Variants in SMOC2 observed in about 807,000 individuals in gnomAD.
The protein encoded by SMOC2 is SPARC related modular calcium binding 2.
In SMOC2, 39 loss-of-function variants were observed where a neutral mutation model predicts 61.4. The ratio of observed to expected loss-of-function variants is 0.64; its 90% CI spans 0.49 to 0.83. The LOEUF (loss-of-function observed/expected upper bound fraction) is 0.83. SMOC2 is among the 40% of genes least tolerant of loss of function. The pLI is 0.00. For missense variants in SMOC2, 556 were observed against 592.9 expected, an observed-to-expected ratio of 0.94 and a Z score of 0.65; for synonymous variants, 247 against 239.9, an observed-to-expected ratio of 1.03 and a Z score of -0.27.
At chr6:168,611,298 TGGCTCCC>T (rs1785857006) in intron 9 of SMOC2, among the ~76,000 whole-genome samples, 2 of 56,108 alleles carry the variant, frequency 3.6e-5, no homozygotes, top group African/African-American at 7.1e-5. Context: ...GGCCTGGCTG[TGGCTCCC>T]ATGTCTGGCC....
intron 1 of SMOC2, among the ~76,000 whole-genome samples, chr6:168,489,406 C>G (rs565884640): frequency 2.5e-4 from 37 of 148,818 alleles, no homozygotes; most frequent in African/African-American, 8.5e-4. Flanking sequence ...TGAAATATAT[C>G]GAATCGTCTG....
chr6:168,590,536 G>A (rs78863178), intron 7 of SMOC2, among the ~76,000 whole-genome samples: 6,824 of 152,212 alleles, frequency 0.045, 337 homozygotes, highest in African/African-American at 0.11. Context: ...TGTGCCTGCT[G>A]GAAGCTGAGC....
chr6:168,577,799 C>G (rs991300419), intron 7 of SMOC2, among the ~76,000 whole-genome samples: 1 of 152,196 alleles, frequency 6.6e-6, no homozygotes, highest in East Asian at 1.9e-4. Context: ...GAGACAGCAA[C>G]GCATGGGGCC....
At chr6:168,628,791 C>T (rs1189298829) in intron 9 of SMOC2, among the ~76,000 whole-genome samples, 2 of 152,206 alleles carry the variant, frequency 1.3e-5, no homozygotes, top group Admixed American at 1.3e-4. Flanking sequence ...TCCTTCAGTC[C>T]CTTGGCCCTG....
At chr6:168,563,931 G>GCTCACCTGCCTCAT (rs1258632641) in intron 7 of SMOC2, among the ~76,000 whole-genome samples, 1 of 152,120 alleles carries the variant, frequency 6.6e-6, no homozygotes, top group East Asian at 1.9e-4. Context: ...GGGGGCGGGT[G>GCTCACCTGCCTCAT]CTCACCTGCC....
At chr6:168,510,119 G>A (rs1583067151) in intron 2 of SMOC2, 33 bp downstream of exon 2, 1 of 1,597,550 alleles carries the variant, frequency 6.3e-7, no homozygotes. Context: ...ATCCAAAGAT[G>A]GGTACATCCA....
chr6:168,518,332 T>G (rs1370148583), intron 2 of SMOC2, among the ~76,000 whole-genome samples: 1 of 151,742 alleles, frequency 6.6e-6, no homozygotes, highest in East Asian at 2.0e-4. Context: ...CATGTGTGTA[T>G]GCCTGAGGTG....
In SMOC2 at chr6:168,535,840, T is replaced by TC. The variant is rs1211345129; in HGVS notation, c.464-7785_464-7784insC. Reference sequence around the variant, plus strand: ...AGTGATCCTGGGGACACGTGAGGAATAACGCAGCAGTGATGCAGCTTCACG... The same window carrying TC: ...AGTGATCCTGGGGACACGTGAGGAATCAACGCAGCAGTGATGCAGCTTCACG... On this transcript the variant is annotated intron_variant, in intron 4 of 12. Transcript: ENST00000356284. The surrounding 1 kb of genome is among the most constrained non-coding windows in gnomAD (Gnocchi z 4.6). Among the ~76,000 whole-genome samples, 1 of 152,078 alleles carries TC rather than the reference T, an allele frequency of 6.6e-6. No homozygotes were observed. Among genetic ancestry groups the TC allele is most frequent in the Non-Finnish European group, 1.5e-5 (1 of 67,994 alleles).
At chr6:168,537,002 T>A (rs1783746952) in intron 4 of SMOC2, among the ~76,000 whole-genome samples, 1 of 152,124 alleles carries the variant, frequency 6.6e-6, no homozygotes, top group Non-Finnish European at 1.5e-5. Flanking sequence ...AGAGTGAAAA[T>A]GAAGGTGGCA....
intron 9 of SMOC2, 60 bp from the exon 10 acceptor site, chr6:168,650,621 T>G: frequency 6.7e-7 from 1 of 1,500,572 alleles, no homozygotes; most frequent in Non-Finnish European, 9.2e-7. Context: ...TCCCTGTATT[T>G]TAGAGGAAAA....
intron 1 of SMOC2, among the ~76,000 whole-genome samples, chr6:168,456,922 G>A (rs1781599601): frequency 6.6e-6 from 1 of 152,194 alleles, no homozygotes; most frequent in South Asian, 2.1e-4. Flanking sequence ...CTGCCTGTGA[G>A]GCATGAGCTC....
chr6:168,647,623 G>A (rs6937595), intron 9 of SMOC2, among the ~76,000 whole-genome samples: 21,304 of 152,114 alleles, frequency 0.14, 1,680 homozygotes, highest in East Asian at 0.2. Flanking sequence ...CTCAAGCCTC[G>A]TTGCTCCTCT....
At chr6:168,607,869 T>TCCAACCCTGCAACGGGAGGAG (rs1440562829) in intron 8 of SMOC2, among the ~76,000 whole-genome samples, 33 of 56,648 alleles carry the variant, frequency 5.8e-4, no homozygotes, top group South Asian at 9.3e-4. Flanking sequence ...TGTGGGTGCT[T>TCCAACCCTGCAACGGGAGGAG]GGCAGCTGCT....
At chr6:168,511,109 A>G (rs1782996679) in intron 2 of SMOC2, among the ~76,000 whole-genome samples, 1 of 152,210 alleles carries the variant, frequency 6.6e-6, no homozygotes, top group Non-Finnish European at 1.5e-5. Context: ...TCTGTTTTCC[A>G]TATGAAAAGA....
At chr6:168,542,036 C>T (rs1260855821) in intron 4 of SMOC2, among the ~76,000 whole-genome samples, 5 of 152,152 alleles carry the variant, frequency 3.3e-5, no homozygotes, top group Non-Finnish European at 7.3e-5. Flanking sequence ...TTACATTTTC[C>T]TTACGATATT....
intron 10 of SMOC2, among the ~76,000 whole-genome samples, chr6:168,651,336 C>T (rs193143099): frequency 3.3e-5 from 5 of 152,166 alleles, no homozygotes; most frequent in African/African-American, 1.2e-4. Flanking sequence ...TAGGCATTCC[C>T]GCACTCCTGG....
chr6:168,543,587 A>G (rs780628409), intron 4 of SMOC2, 38 bp from the exon 5 acceptor site: 1 of 1,596,626 alleles, frequency 6.3e-7, no homozygotes, highest in Non-Finnish European at 8.6e-7. Context: ...TTAAGAGTCC[A>G]AAATAATTTC....
intron 1 of SMOC2, among the ~76,000 whole-genome samples, chr6:168,470,275 G>A (rs1000128845): frequency 1.3e-5 from 2 of 152,152 alleles, no homozygotes; most frequent in Admixed American, 6.5e-5. Flanking sequence ...TACTCTTTCC[G>A]TTATAAAGCG....
At chr6:168,568,299 A>G (rs921458355) in intron 7 of SMOC2, among the ~76,000 whole-genome samples, 1 of 152,222 alleles carries the variant, frequency 6.6e-6, no homozygotes, top group Non-Finnish European at 1.5e-5. Flanking sequence ...TCTTTTTCAC[A>G]GACTTTATTT....
Sources: gnomAD v4.1 joint callset for allele counts (sites outside exome capture counted in the v4.1 genomes callset) on GRCh38, gnomAD v4.1.1 for gene constraint, Gnocchi (gnomAD v3.1) non-coding constraint, MANE v1.5 for transcripts, NCBI Gene and HGNC (gene_info 2026-07-23, HGNC 2026-07-21) for gene names.